Variants in ZRANB3 observed in about 807,000 individuals in gnomAD.
ZRANB3 encodes the protein zinc finger RANBP2-type containing 3, also known as DNA annealing helicase and endonuclease ZRANB3.
Under a neutral mutation model 133.8 loss-of-function variants are expected in ZRANB3, and 125 were observed. That is an observed-to-expected ratio of 0.93 (90% CI 0.81 to 1.08). ZRANB3 has a LOEUF of 1.08. Among genes scored for constraint, ZRANB3 ranks in the 50% least tolerant of loss-of-function variants. The pLI is 0.00. For missense variants in ZRANB3, 1,229 were observed against 1,275.5 expected (o/e 0.96, Z 0.56); for synonymous variants, 387 against 432.7 (o/e 0.89, Z 1.31).
chr2:135,271,370 C>T (rs766047411), intron 10 of ZRANB3: 8 of 472,370 alleles, frequency 1.7e-5, no homozygotes, highest in African/African-American at 4.0e-5. Flanking sequence ...AGTTCTTTTC[C>T]CCCAGGCCAC....
At chr2:135,513,340 G>A (rs1693553323) in intron 1 of ZRANB3, among the ~76,000 whole-genome samples, 1 of 152,170 alleles carries the variant, frequency 6.6e-6, no homozygotes, top group African/African-American at 2.4e-5. Flanking sequence ...TCAAGGCAGT[G>A]TAGCACTACT....
At chr2:135,225,084 G>A (rs1256794251) in intron 14 of ZRANB3, among the ~76,000 whole-genome samples, 1 of 152,134 alleles carries the variant, frequency 6.6e-6, no homozygotes, top group Non-Finnish European at 1.5e-5. Context: ...GATTATCAAC[G>A]CAGGTCTAAA....
intron 10 of ZRANB3, among the ~76,000 whole-genome samples, chr2:135,271,006 G>A (rs575011346): frequency 4.6e-5 from 7 of 152,146 alleles, no homozygotes; most frequent in Admixed American, 2.0e-4. Flanking sequence ...GCAGGGCTAC[G>A]TGGAATAAAG....
chr2:135,507,513 C>A (rs993361358), intron 1 of ZRANB3, among the ~76,000 whole-genome samples: 7 of 152,126 alleles, frequency 4.6e-5, no homozygotes, highest in Non-Finnish European at 8.8e-5. Context: ...ACCATGTCCA[C>A]TTTCCAGAAG....
intron 6 of ZRANB3, among the ~76,000 whole-genome samples, chr2:135,324,515 T>A (rs1683703703): frequency 6.6e-6 from 1 of 152,200 alleles, no homozygotes; most frequent in Admixed American, 6.5e-5. Flanking sequence ...AGGTCTTTGC[T>A]ATTGTGAATA....
At chr2:135,374,863 C>CA (rs1457105905) in intron 3 of ZRANB3, among the ~76,000 whole-genome samples, 1 of 151,792 alleles carries the variant, frequency 6.6e-6, no homozygotes, top group East Asian at 1.9e-4. Flanking sequence ...AACTCAACAA[C>CA]AAAAAAAGAA....
intron 2 of ZRANB3, among the ~76,000 whole-genome samples, chr2:135,407,714 A>C (rs1354273551): frequency 2.6e-5 from 4 of 151,748 alleles, no homozygotes; most frequent in South Asian, 2.1e-4. Flanking sequence ...CAAAAACAAT[A>C]AATGGGGAAA....
chr2:135,528,591 C>T (rs572434022), intron 1 of ZRANB3, among the ~76,000 whole-genome samples: 2 of 152,056 alleles, frequency 1.3e-5, no homozygotes, highest in African/African-American at 4.8e-5. Flanking sequence ...AAAATGATGG[C>T]CATCATTACT....
intron 2 of ZRANB3, among the ~76,000 whole-genome samples, chr2:135,483,812 T>C (rs1270506688): frequency 6.6e-6 from 1 of 152,224 alleles, no homozygotes; most frequent in African/African-American, 2.4e-5. Context: ...GTGTGTTGTG[T>C]CTTTGTTGTC....
At chr2:135,524,836 T>C (rs1213624685) in intron 1 of ZRANB3, among the ~76,000 whole-genome samples, 3 of 152,144 alleles carry the variant, frequency 2.0e-5, no homozygotes, top group Non-Finnish European at 4.4e-5. Context: ...AGAGATGAAT[T>C]ATTTAATAAA....
At chr2:135,209,819 A>G (rs1694022901) in intron 17 of ZRANB3, among the ~76,000 whole-genome samples, 1 of 152,202 alleles carries the variant, frequency 6.6e-6, no homozygotes, top group Non-Finnish European at 1.5e-5. Flanking sequence ...GCTTGACAAT[A>G]AAATTAAAGT....
At chr2:135,321,989 TA>T (rs967037145) in intron 6 of ZRANB3, among the ~76,000 whole-genome samples, 1 of 152,142 alleles carries the variant, frequency 6.6e-6, no homozygotes, top group Admixed American at 6.6e-5. Context: ...GTGCCCCATC[TA>T]AAAAAATCCT....
At chr2:135,318,212 T>TTGTGTGTGTGTGTGTGTGTG (rs58455313) in intron 6 of ZRANB3, among the ~76,000 whole-genome samples, 1 of 136,886 alleles carries the variant, frequency 7.3e-6, no homozygotes, top group African/African-American at 2.7e-5. Context: ...ACACACTATT[T>TTGTGTGTGTGTGTGTGTGTG]TGTGTGTGTG....
At chr2:135,333,298 A>G (rs925547234) in intron 6 of ZRANB3, among the ~76,000 whole-genome samples, 1 of 152,200 alleles carries the variant, frequency 6.6e-6, no homozygotes, top group Non-Finnish European at 1.5e-5. Context: ...AGTACAGTAT[A>G]TTTCCAATGA....
chr2:135,448,248 A>C (rs1476647628), intron 2 of ZRANB3, among the ~76,000 whole-genome samples: 1 of 152,214 alleles, frequency 6.6e-6, no homozygotes, highest in Non-Finnish European at 1.5e-5. Context: ...CTTTTAACAA[A>C]GATTTCCTGC....
At chr2:135,496,564 T>C (rs1295601590) in intron 2 of ZRANB3, among the ~76,000 whole-genome samples, 3 of 151,910 alleles carry the variant, frequency 2.0e-5, no homozygotes, top group East Asian at 3.9e-4. Flanking sequence ...CATAAATAAG[T>C]ATGTTCTAAA....
intron 2 of ZRANB3, among the ~76,000 whole-genome samples, chr2:135,391,980 G>A (rs2164802): frequency 0.05 from 7,590 of 152,134 alleles, 774 homozygotes; most frequent in East Asian, 0.46. Context: ...GAGGATGGGG[G>A]CATAAACTCA....
intron 12 of ZRANB3, among the ~76,000 whole-genome samples, chr2:135,246,592 T>C (rs1352753663): frequency 6.6e-6 from 1 of 152,218 alleles, no homozygotes; most frequent in African/African-American, 2.4e-5. Flanking sequence ...TCTAAGCCTA[T>C]AGTAATTTTT....
intron 1 of ZRANB3, among the ~76,000 whole-genome samples, chr2:135,518,013 G>C (rs1474678666): frequency 6.6e-6 from 1 of 152,128 alleles, no homozygotes; most frequent in African/African-American, 2.4e-5. Context: ...TGCTGCGGTG[G>C]GTTCCGCACC....
Sources: gnomAD v4.1 joint callset for allele counts (sites outside exome capture counted in the v4.1 genomes callset) on GRCh38, gnomAD v4.1.1 for gene constraint, MANE v1.5 for transcripts, NCBI Gene and HGNC (gene_info 2026-07-23, HGNC 2026-07-21) for gene names.